VWA2: variants seen among roughly 807,000 people sequenced by gnomAD.
VWA2 encodes von Willebrand factor A domain containing 2.
Under a neutral mutation model 70.4 loss-of-function variants are expected in VWA2, and 73 were observed. The observed-to-expected ratio is 1.04, with a 90% confidence interval of 0.86 to 1.26. The LOEUF is 1.26. Ranked by LOEUF, VWA2 falls within the 50% of genes most tolerant of loss-of-function variation. VWA2 has a pLI of 0.00. For synonymous variants in VWA2, 407 were observed against 423.3 expected (o/e 0.96, Z 0.47); for missense variants, 1,011 against 998.5 (o/e 1.01, Z -0.17).
chr10:114,276,570 C>T (rs1171258271), intron 6 of VWA2, among the ~76,000 whole-genome samples: 1 of 152,120 alleles, frequency 6.6e-6, no homozygotes, highest in Non-Finnish European at 1.5e-5. Flanking sequence ...ACGATCATGG[C>T]TAACTGCAGC....
In VWA2 at chr10:114,289,382, G is replaced by C. The variant is rs1476282679; in HGVS notation, c.2015G>C (p.Ser672Thr). 1 of 1,613,264 alleles carries C rather than the reference G, an allele frequency of 6.2e-7. No individual in the cohort carries two copies. Among genetic ancestry groups the C allele is most frequent in the Admixed American group, 1.7e-5 (1 of 59,994 alleles). Reference sequence around the variant, plus strand: ...GTCGTGGGCGTGGGGCCTGTCCTAAGTGAGGGTCTGCGGAGGCTTGCAGGT... The same window carrying C: ...GTCGTGGGCGTGGGGCCTGTCCTAACTGAGGGTCTGCGGAGGCTTGCAGGT... ...VLVVGVGPVL[S>T]EGLRRLAGPR... Residue 672 changes from serine (S) to threonine (T), a missense_variant, in exon 12 of 14, where the codon AGT becomes ACT. Transcript: ENST00000392982.
chr10:114,269,067 T>A (rs946426228), intron 5 of VWA2, among the ~76,000 whole-genome samples: 21 of 152,162 alleles, frequency 1.4e-4, no homozygotes, highest in African/African-American at 5.1e-4. Context: ...AATCTCACCT[T>A]ACCTTGGTCG....
chr10:114,264,812 C>T (rs1337807774), intron 5 of VWA2, among the ~76,000 whole-genome samples: 4 of 151,592 alleles, frequency 2.6e-5, no homozygotes, highest in African/African-American at 4.8e-5. Flanking sequence ...CTCCACCTCC[C>T]GGGTTCAAGC....
rs776431532 is a variant in VWA2 at position 114,292,405 on chromosome 10, TAC to T, written c.*1170_*1171del. ...CTCAAAAATATAGGATAAAGAAACT[TAC>T]AGAGATTTTGCTTTTTAAAGCATTG... On this transcript the variant is annotated 3_prime_UTR_variant, in exon 14 of 14. Transcript: ENST00000392982. Among the ~76,000 whole-genome samples the T allele has an allele frequency of 4.6e-5, 7 of 152,204 alleles. No homozygotes were observed. The highest frequency in any genetic ancestry group is 9.6e-5 in the African/African-American group (4 of 41,494).
At chr10:114,271,570 G>T (rs1463471875) in intron 5 of VWA2, among the ~76,000 whole-genome samples, 1 of 151,154 alleles carries the variant, frequency 6.6e-6, no homozygotes, top group East Asian at 1.9e-4. Flanking sequence ...GAGATGCCTG[G>T]GCAGGAGGAC....
chr10:114,277,479 C>A (rs77487930), intron 6 of VWA2, among the ~76,000 whole-genome samples: 31 of 152,160 alleles, frequency 2.0e-4, no homozygotes, highest in Admixed American at 1.6e-3. Flanking sequence ...ACCACACCCC[C>A]CCTCCGACTG....
intron 1 of VWA2, chr10:114,246,488 T>C (rs113968012): frequency 0.2 from 123,367 of 606,444 alleles, 14,856 homozygotes; most frequent in African/African-American, 0.34. Flanking sequence ...GCAACAAGAG[T>C]GAAAGAAACT....
intron 2 of VWA2, among the ~76,000 whole-genome samples, chr10:114,252,217 G>A (rs552791483): frequency 2.9e-4 from 44 of 152,220 alleles, no homozygotes; most frequent in African/African-American, 1.0e-3. Flanking sequence ...TCTAAGTCTT[G>A]TTTCTGTCTC....
intron 1 of VWA2, chr10:114,246,835 T>C (rs2037083245): frequency 4.8e-6 from 4 of 841,930 alleles, no homozygotes; most frequent in Non-Finnish European, 8.0e-6. Flanking sequence ...CTACAAGAAA[T>C]ATTTGTTTTA....
chr10:114,287,722 GA>G (rs1413687152), intron 11 of VWA2, among the ~76,000 whole-genome samples: 1 of 152,084 alleles, frequency 6.6e-6, no homozygotes, highest in East Asian at 1.9e-4. Flanking sequence ...AGATTTATAG[GA>G]AAAAATAATT....
At chr10:114,258,858 C>T (rs1240831113) in intron 4 of VWA2, among the ~76,000 whole-genome samples, 1 of 152,160 alleles carries the variant, frequency 6.6e-6, no homozygotes, top group African/African-American at 2.4e-5. Flanking sequence ...TTCTCTCATG[C>T]CTTTTTCCTC....
chr10:114,280,889 C>T (rs2038057129), intron 8 of VWA2: 1 of 152,116 alleles, frequency 6.6e-6, no homozygotes, highest in African/African-American at 2.4e-5. Flanking sequence ...CAGACACGCA[C>T]CACCGTGGCC....
intron 4 of VWA2, among the ~76,000 whole-genome samples, chr10:114,255,560 A>G (rs889963580): frequency 6.6e-6 from 1 of 152,204 alleles, no homozygotes; most frequent in Non-Finnish European, 1.5e-5. Flanking sequence ...TTGTGTTTGC[A>G]GAACAATGGG....
At chr10:114,255,906 TA>T (rs1418056692) in intron 4 of VWA2, among the ~76,000 whole-genome samples, 1 of 152,158 alleles carries the variant, frequency 6.6e-6, no homozygotes, top group East Asian at 1.9e-4. Context: ...ACCCTATGCC[TA>T]ATATACAGTT....
intron 8 of VWA2, among the ~76,000 whole-genome samples, chr10:114,282,017 C>CTTTTTTTGTTTTT (rs2038180694): frequency 8.4e-6 from 1 of 119,662 alleles, no homozygotes; most frequent in Non-Finnish European, 1.7e-5. Context: ...CTTATGTTAC[C>CTTTTTTTGTTTTT]TTTTTTTTTT....
intron 1 of VWA2, chr10:114,246,520 A>G: frequency 2.5e-6 from 2 of 808,124 alleles, no homozygotes; most frequent in Non-Finnish European, 3.8e-6. Context: ...AAAAAAAAAA[A>G]AAAAACGAGT....
chr10:114,277,944 G>A lies in VWA2; in HGVS notation c.597G>A (p.Glu199=), dbSNP rs1178027687. ...AGGAGCTGCATGCACTGGCCAGCGAGCCTAGAGGGCAGCACGTGCTGTTGG... is the reference window on the plus strand; with the variant it reads ...AGGAGCTGCATGCACTGGCCAGCGAACCTAGAGGGCAGCACGTGCTGTTGG... The part of the protein sequence containing the change: ...RWEELHALAS[E]PRGQHVLLAE... Residue 199 remains glutamate, a synonymous_variant, in exon 7 of 14, where the codon GAG becomes GAA. Coordinates refer to ENST00000392982, the MANE Select transcript of VWA2 (RefSeq NM_001272046.2). 2 of 1,611,578 alleles carry A rather than the reference G, an allele frequency of 1.2e-6. No homozygotes were observed. Among genetic ancestry groups the A allele is most frequent in the South Asian group, 2.2e-5 (2 of 90,846 alleles).
At chr10:114,253,867 A>C in intron 3 of VWA2, 142 bp downstream of exon 3, 1 of 785,028 alleles carries the variant, frequency 1.3e-6, no homozygotes, top group Non-Finnish European at 2.0e-6. Flanking sequence ...TTTTCCCCAA[A>C]CAGGGACCTG....
chr10:114,254,794 C>T lies in VWA2; in HGVS notation c.128-121C>T, dbSNP rs957571369. ...GAGGAGGGCTGCTTCTGCAGTTCTC[C>T]CCTTTCATGCTAAGAGGGACAGCAG... On this transcript the variant is annotated intron_variant, in intron 3 of 13. Coordinates refer to ENST00000392982, the MANE Select transcript of VWA2 (RefSeq NM_001272046.2). The T allele has an allele frequency of 1.2e-5, 16 of 1,357,794 alleles. No individual in the cohort carries two copies. In the East Asian group the frequency reaches 2.6e-4, roughly 22 times the overall value. The allele number at this position is 1,357,794 out of a possible 1,614,324, so 84.1% of individuals were successfully genotyped here.
Sources: allele counts gnomAD v4.1 joint callset (sites outside exome capture counted in the v4.1 genomes callset), GRCh38; gene constraint gnomAD v4.1.1; transcripts MANE v1.5; gene names NCBI Gene and HGNC (gene_info 2026-07-23, HGNC 2026-07-21).